The following CTNNA3 variants were observed in gnomAD, a reference collection of about 807,000 sequenced individuals.
CTNNA3 encodes catenin alpha 3, also known as catenin alpha-3.
In CTNNA3, 76 loss-of-function variants were observed where a neutral mutation model predicts 95.7. That is an observed-to-expected ratio of 0.79 (90% CI 0.66 to 0.96). The LOEUF is 0.96. CTNNA3 is among the 40% of genes least tolerant of loss of function. The pLI is 0.00. For missense variants in CTNNA3, 1,191 were observed against 1,089.8 expected (o/e 1.09, Z -1.31); for synonymous variants, 431 against 374.4 (o/e 1.15, Z -1.74).
At chr10:67,745,302 A>C (rs1017440920) in intron 1 of CTNNA3, among the ~76,000 whole-genome samples, 1 of 152,158 alleles carries the variant, frequency 6.6e-6, no homozygotes, top group Non-Finnish European at 1.5e-5. Flanking sequence ...AATTTGGCAC[A>C]TATACACCAT....
At chr10:67,069,924 A>G (rs1215044408) in intron 7 of CTNNA3, among the ~76,000 whole-genome samples, 1 of 152,160 alleles carries the variant, frequency 6.6e-6, no homozygotes, top group Non-Finnish European at 1.5e-5. Context: ...TCCTGCATGT[A>G]TATCTAGAAG....
intron 7 of CTNNA3, among the ~76,000 whole-genome samples, chr10:66,881,729 A>C (rs977183543): frequency 6.6e-6 from 1 of 152,110 alleles, no homozygotes; most frequent in African/African-American, 2.4e-5. Flanking sequence ...CAAAGCCTCC[A>C]GCAGGATTAA....
At chr10:67,258,624 T>A (rs190800213) in intron 5 of CTNNA3, among the ~76,000 whole-genome samples, 6 of 152,296 alleles carry the variant, frequency 3.9e-5, no homozygotes, top group African/African-American at 1.4e-4. Flanking sequence ...CAACTGTGAT[T>A]TTTTTTACCC....
Position 67,222,889 on chromosome 10 carries a change from T to A in CTNNA3, c.580-3019A>T, listed in dbSNP as rs554991207. On this transcript the variant is annotated intron_variant, in intron 5 of 17. Transcript: ENST00000433211. ...ATAGATTATAATCAAGAAGCTAAAG[T>A]TAAAATTATTTCTTTTGCTCTAATG... Among the ~76,000 whole-genome samples the A allele has an allele frequency of 5.3e-5, 8 of 152,332 alleles. No individual in the cohort carries two copies. In the South Asian group the frequency reaches 1.7e-3, roughly 32 times the overall value.
At chr10:66,277,328 C>T (rs760080766) in intron 13 of CTNNA3, among the ~76,000 whole-genome samples, 9 of 152,050 alleles carry the variant, frequency 5.9e-5, no homozygotes, top group Non-Finnish European at 1.3e-4. Context: ...GATTCTGATA[C>T]ACTTACAAAT....
intron 12 of CTNNA3, among the ~76,000 whole-genome samples, chr10:66,332,479 G>A (rs191499218): frequency 2.4e-4 from 37 of 152,000 alleles, no homozygotes; most frequent in African/African-American, 8.7e-4. Flanking sequence ...CATCTATTGA[G>A]ATAATCATGT....
At chr10:67,694,863 A>G (rs926098812) in intron 1 of CTNNA3, among the ~76,000 whole-genome samples, 13 of 152,300 alleles carry the variant, frequency 8.5e-5, no homozygotes, top group African/African-American at 2.9e-4. Flanking sequence ...TAATGAAAAA[A>G]AGTTTTACCA....
At chr10:66,497,177 A>G (rs182212559) in intron 11 of CTNNA3, among the ~76,000 whole-genome samples, 4 of 152,268 alleles carry the variant, frequency 2.6e-5, no homozygotes, top group African/African-American at 9.6e-5. Flanking sequence ...GACATAATTC[A>G]GCACATAATA....
intron 1 of CTNNA3, among the ~76,000 whole-genome samples, chr10:67,701,251 T>C (rs574056946): frequency 1.3e-5 from 2 of 152,158 alleles, no homozygotes; most frequent in South Asian, 2.1e-4. Context: ...CAGGCCAACA[T>C]TCAGACTCAG....
intron 7 of CTNNA3, among the ~76,000 whole-genome samples, chr10:66,907,338 T>G (rs1268041305): frequency 2.6e-5 from 4 of 152,330 alleles, no homozygotes; most frequent in Admixed American, 2.6e-4. Flanking sequence ...GTATACTTAC[T>G]TTGTAATTTT....
chr10:67,434,640 A>C (rs1846236375), intron 5 of CTNNA3, among the ~76,000 whole-genome samples: 1 of 152,010 alleles, frequency 6.6e-6, no homozygotes, highest in Non-Finnish European at 1.5e-5. Flanking sequence ...TTAGACTCAA[A>C]GAATTGCCTA....
chr10:67,073,570 G>GA (rs1326868640), intron 7 of CTNNA3, among the ~76,000 whole-genome samples: 2 of 149,892 alleles, frequency 1.3e-5, no homozygotes, highest in East Asian at 2.0e-4. Context: ...CCAATAAAGA[G>GA]AAAAAATGAG....
intron 1 of CTNNA3, among the ~76,000 whole-genome samples, chr10:67,654,409 ATTTGC>A (rs999367771): frequency 6.6e-6 from 1 of 151,952 alleles, no homozygotes; most frequent in Non-Finnish European, 1.5e-5. Flanking sequence ...AAGTGGTCAG[ATTTGC>A]TTCTTTCATT....
chr10:66,740,755 A>C (rs748076969), intron 9 of CTNNA3, among the ~76,000 whole-genome samples: 5 of 152,230 alleles, frequency 3.3e-5, no homozygotes, highest in Non-Finnish European at 7.3e-5. Context: ...GTTAGAAGAT[A>C]AGTATGATTA....
At chr10:66,848,526 T>A (rs7083972) in intron 7 of CTNNA3, among the ~76,000 whole-genome samples, 46,872 of 151,980 alleles carry the variant, frequency 0.31, 8,273 homozygotes, top group East Asian at 0.53. Flanking sequence ...AATGGAAATA[T>A]CCCAAACTCT....
intron 9 of CTNNA3, among the ~76,000 whole-genome samples, chr10:66,674,509 A>C (rs1846778119): frequency 6.6e-6 from 1 of 151,950 alleles, no homozygotes; most frequent in Non-Finnish European, 1.5e-5. Context: ...ATGTGCAATA[A>C]TCTTCAGTAA....
chr10:67,033,333 A>G (rs1438196919), intron 7 of CTNNA3, among the ~76,000 whole-genome samples: 6 of 152,166 alleles, frequency 3.9e-5, no homozygotes. Context: ...CACATCTTCC[A>G]TCAAACTGTG....
chr10:66,156,655 A>T (rs1205386652), intron 13 of CTNNA3, among the ~76,000 whole-genome samples: 2 of 151,846 alleles, frequency 1.3e-5, no homozygotes, highest in African/African-American at 4.8e-5. Context: ...ATATAGAAAG[A>T]TAGAGGAGAT....
chr10:67,513,099 G>A (rs1489190954), intron 5 of CTNNA3, among the ~76,000 whole-genome samples: 1 of 152,174 alleles, frequency 6.6e-6, no homozygotes, highest in East Asian at 1.9e-4. Flanking sequence ...ATAGATAAAT[G>A]TTAAAAGCAT....
Sources: allele counts gnomAD v4.1 joint callset (sites outside exome capture counted in the v4.1 genomes callset), GRCh38; gene constraint gnomAD v4.1.1; transcripts MANE v1.5; gene names NCBI Gene and HGNC (gene_info 2026-07-23, HGNC 2026-07-21).